The following FBXL17 variants were observed in gnomAD, a reference collection of about 807,000 sequenced individuals.
The protein encoded by FBXL17 is F-box and leucine rich repeat protein 17, also known as F-box/LRR-repeat protein 17.
Under a neutral mutation model 66.2 loss-of-function variants are expected in FBXL17, and 22 were observed. The observed-to-expected ratio is 0.33, with a 90% CI of 0.24 to 0.47. The LOEUF (loss-of-function observed/expected upper bound fraction) is 0.47. Ranked by LOEUF, FBXL17 falls within the 20% of genes least tolerant of loss-of-function variation. FBXL17 has a pLI of 1.00. For missense variants in FBXL17, 878 were observed against 948.2 expected, an observed-to-expected ratio of 0.93 and a Z score of 0.97; for synonymous variants, 474 against 400.5, an observed-to-expected ratio of 1.18 and a Z score of -2.19.
chr5:107,902,221 C>T (rs1749589336), intron 7 of FBXL17, among the ~76,000 whole-genome samples: 2 of 152,114 alleles, frequency 1.3e-5, no homozygotes, highest in Non-Finnish European at 2.9e-5. Context: ...TGTTTTTCAG[C>T]AGTTCCGAAG....
At chr5:108,104,262 C>T (rs1749707123) in intron 6 of FBXL17, among the ~76,000 whole-genome samples, 1 of 152,188 alleles carries the variant, frequency 6.6e-6, no homozygotes, top group Non-Finnish European at 1.5e-5. Context: ...GTCTCGAACT[C>T]CTGACCTCAG....
chr5:107,870,247 C>A (rs1392157579), intron 8 of FBXL17, among the ~76,000 whole-genome samples: 1 of 152,170 alleles, frequency 6.6e-6, no homozygotes, highest in Non-Finnish European at 1.5e-5. Flanking sequence ...AACTAAGCAC[C>A]TGCCCACTTC....
chr5:108,197,428 A>C (rs1580597691), intron 5 of FBXL17, among the ~76,000 whole-genome samples: 1 of 152,218 alleles, frequency 6.6e-6, no homozygotes, highest in Non-Finnish European at 1.5e-5. Context: ...AAAAAGAGAC[A>C]GTTCACAAAA....
chr5:107,985,087 T>C (rs900233290), intron 7 of FBXL17, among the ~76,000 whole-genome samples: 1 of 152,296 alleles, frequency 6.6e-6, no homozygotes, highest in African/African-American at 2.4e-5. Context: ...GCTAGTTTCA[T>C]CTAGTTTAAA....
chr5:107,965,487 TGAG>T (rs1320027296), intron 7 of FBXL17, among the ~76,000 whole-genome samples: 2 of 152,092 alleles, frequency 1.3e-5, no homozygotes, highest in Non-Finnish European at 2.9e-5. Context: ...GGTCAATGAG[TGAG>T]TAGGCTGGTG....
chr5:108,336,571 A>G (rs1047574131), intron 4 of FBXL17, among the ~76,000 whole-genome samples: 2 of 152,176 alleles, frequency 1.3e-5, no homozygotes, highest in Non-Finnish European at 1.5e-5. Flanking sequence ...ATGAAAATAT[A>G]TAACAGGTAA....
chr5:108,058,435 CTTTCTTTCTTCTCTCCT>C (rs1249693192), intron 6 of FBXL17, among the ~76,000 whole-genome samples: 6 of 133,232 alleles, frequency 4.5e-5, no homozygotes, highest in South Asian at 4.8e-4. Flanking sequence ...CTTTCTTTCT[CTTTCTTTCTTCTCTCCT>C]TTTCTTTCTT....
rs13164968 is a variant in FBXL17, at chr5:108,368,852, C to G, written c.994-899G>C. On this transcript the variant is annotated intron_variant, in intron 1 of 8. Transcript: ENST00000542267. ...ACTAAGCCAAAGACAAAAGTCAAGGCGGGAACTGTATCAGGCAAGCCTGCC... is the reference window on the plus strand; with the variant it reads ...ACTAAGCCAAAGACAAAAGTCAAGGGGGGAACTGTATCAGGCAAGCCTGCC... 7.5e-3 allele frequency among the ~76,000 whole-genome samples: 1,128 copies of G among 149,566 alleles called. 4 individuals carry two copies. The highest frequency in any genetic ancestry group is 0.011 in the Non-Finnish European group (737 of 67,636).
intron 6 of FBXL17, among the ~76,000 whole-genome samples, chr5:108,179,380 A>C (rs1387910506): frequency 1.3e-5 from 2 of 152,172 alleles, no homozygotes; most frequent in African/African-American, 4.8e-5. Flanking sequence ...TGGTGGAGTA[A>C]TCTGTCACTC....
chr5:107,940,675 G>A (rs1246743122), intron 7 of FBXL17, among the ~76,000 whole-genome samples: 2 of 152,162 alleles, frequency 1.3e-5, no homozygotes, highest in Non-Finnish European at 2.9e-5. Context: ...TAATGGGTCC[G>A]TTCTAGGAAG....
chr5:108,183,916 A>T (rs1216533311), intron 6 of FBXL17, among the ~76,000 whole-genome samples: 1 of 152,208 alleles, frequency 6.6e-6, no homozygotes, highest in Non-Finnish European at 1.5e-5. Context: ...ATTATTCAAA[A>T]ACAAGAGAGA....
chr5:107,971,859 C>G (rs1752384775), intron 7 of FBXL17, among the ~76,000 whole-genome samples: 1 of 152,194 alleles, frequency 6.6e-6, no homozygotes, highest in African/African-American at 2.4e-5. Flanking sequence ...AACCTTAACT[C>G]CTCACCCCAA....
At chr5:107,982,500 AATG>A (rs909459769) in intron 7 of FBXL17, among the ~76,000 whole-genome samples, 50 of 152,202 alleles carry the variant, frequency 3.3e-4, no homozygotes, top group African/African-American at 1.2e-3. Flanking sequence ...TAAAAATAAC[AATG>A]ATATTTCAGA....
intron 6 of FBXL17, among the ~76,000 whole-genome samples, chr5:108,126,664 CA>C (rs1458589371): frequency 0.11 from 11,340 of 107,620 alleles, 673 homozygotes; most frequent in Admixed American, 0.17. Flanking sequence ...TATATATATA[CA>C]TATATATATA....
At chr5:108,236,284 G>A (rs1450194732) in intron 4 of FBXL17, among the ~76,000 whole-genome samples, 3 of 151,944 alleles carry the variant, frequency 2.0e-5, no homozygotes, top group Non-Finnish European at 4.4e-5. Context: ...GGCCAAGGCA[G>A]GAGGATCATT....
intron 6 of FBXL17, among the ~76,000 whole-genome samples, chr5:108,177,153 A>G (rs1346026348): frequency 6.6e-6 from 1 of 152,242 alleles, no homozygotes; most frequent in African/African-American, 2.4e-5. Flanking sequence ...GTGCATCATT[A>G]TAAGTTAAAT....
chr5:108,303,475 A>G (rs1371252508), intron 4 of FBXL17, among the ~76,000 whole-genome samples: 1 of 151,906 alleles, frequency 6.6e-6, no homozygotes, highest in East Asian at 1.9e-4. Context: ...GCAAATAAAG[A>G]CAAGTCAAAC....
At chr5:107,879,516 TATA>T (rs1561515136) in intron 8 of FBXL17, 2 of 985,414 alleles carry the variant, frequency 2.0e-6, no homozygotes, top group Non-Finnish European at 2.4e-6. Context: ...GCTGAGAATA[TATA>T]ATAACATTTC....
intron 6 of FBXL17, among the ~76,000 whole-genome samples, chr5:108,099,524 A>T (rs1241840701): frequency 6.6e-6 from 1 of 152,222 alleles, no homozygotes; most frequent in Non-Finnish European, 1.5e-5. Flanking sequence ...AACTGTGAAA[A>T]TGTGACAAGG....
Sources: gnomAD v4.1 joint callset for allele counts (sites outside exome capture counted in the v4.1 genomes callset) on GRCh38, gnomAD v4.1.1 for gene constraint, MANE v1.5 for transcripts, NCBI Gene and HGNC (gene_info 2026-07-23, HGNC 2026-07-21) for gene names.